STK32B: variants seen among roughly 807,000 people sequenced by gnomAD.
STK32B encodes the protein serine/threonine-protein kinase 32B.
In STK32B, 43 loss-of-function variants were observed where a neutral mutation model predicts 52.6. That is an observed-to-expected ratio of 0.82 (90% CI 0.64 to 1.05). The LOEUF (loss-of-function observed/expected upper bound fraction) is 1.05, where lower values mean the gene tolerates loss of function less well. Among genes scored for constraint, STK32B ranks in the 50% least tolerant of loss-of-function variants. The probability of loss-of-function intolerance (pLI) is 0.00; values close to 1 mark genes in which losing one functional copy is unlikely to be tolerated. For missense variants in STK32B, 621 were observed against 534.6 expected (o/e 1.16, Z -1.59); for synonymous variants, 238 against 204.3 (o/e 1.17, Z -1.41).
At chr4:5,478,390 G>T (rs868360229) in intron 11 of STK32B, among the ~76,000 whole-genome samples, 1 of 152,158 alleles carries the variant, frequency 6.6e-6, no homozygotes, top group South Asian at 2.1e-4. Flanking sequence ...AGCACCCAGG[G>T]TTTGGCTGAA....
chr4:5,334,961 G>A (rs1367776136), intron 4 of STK32B, among the ~76,000 whole-genome samples: 6 of 151,948 alleles, frequency 3.9e-5, no homozygotes, highest in East Asian at 1.9e-4. Context: ...GTCTCTGCCA[G>A]GCTTTGGTAT....
At chr4:5,256,654 C>T (rs1726321197) in intron 3 of STK32B, among the ~76,000 whole-genome samples, 1 of 152,214 alleles carries the variant, frequency 6.6e-6, no homozygotes, top group African/African-American at 2.4e-5. Flanking sequence ...GTCAGACATC[C>T]TGTCCCCTGC....
rs998031561 is a variant in STK32B at position 5,443,489 on chromosome 4, C to T, written c.563-3184C>T. Among the ~76,000 whole-genome samples the T allele has an allele frequency of 1.6e-4, 24 of 152,190 alleles. No individual in the cohort carries two copies. In the East Asian group the frequency reaches 3.5e-3, roughly 22 times the overall value. ...TAAGCACTCCTCTGTATTGGTTATT[C>T]TAGTTATACATTCTTCTACATTTTT... On this transcript the variant is annotated intron_variant, in intron 6 of 11. Coordinates refer to ENST00000282908, the MANE Select transcript of STK32B (RefSeq NM_018401.3).
chr4:5,427,457 G>A (rs943601663), intron 6 of STK32B, among the ~76,000 whole-genome samples: 1 of 152,160 alleles, frequency 6.6e-6, no homozygotes, highest in Admixed American at 6.5e-5. Context: ...ATATGCCCAA[G>A]ATTGGTATTA....
chr4:5,164,687 G>C (rs751638262), intron 2 of STK32B, among the ~76,000 whole-genome samples: 5 of 152,130 alleles, frequency 3.3e-5, no homozygotes, highest in Non-Finnish European at 7.4e-5. Flanking sequence ...CAGGATCTCC[G>C]ATGAGCAGAA....
At chr4:5,175,915 G>T (rs893007097) in intron 3 of STK32B, among the ~76,000 whole-genome samples, 4 of 152,252 alleles carry the variant, frequency 2.6e-5, no homozygotes, top group African/African-American at 7.2e-5. Context: ...GCCTACAGAG[G>T]CAGGCAGGCC....
chr4:5,057,828 T>C (rs2108755474), intron 1 of STK32B, among the ~76,000 whole-genome samples: 1 of 152,306 alleles, frequency 6.6e-6, no homozygotes, highest in Non-Finnish European at 1.5e-5. Flanking sequence ...AAGAAACTGT[T>C]CTACAAAGAA....
chr4:5,204,659 G>A (rs1292894198), intron 3 of STK32B, among the ~76,000 whole-genome samples: 1 of 151,956 alleles, frequency 6.6e-6, no homozygotes, highest in African/African-American at 2.4e-5. Context: ...TAGTAGAAAT[G>A]GGGTTTCACC....
At chr4:5,160,730 C>T (rs1718374986) in intron 2 of STK32B, among the ~76,000 whole-genome samples, 2 of 152,196 alleles carry the variant, frequency 1.3e-5, no homozygotes, top group Admixed American at 6.5e-5. Flanking sequence ...AGAGAAAAAT[C>T]CCTGTTGTCA....
chr4:5,113,048 G>A (rs147805438), intron 1 of STK32B, among the ~76,000 whole-genome samples: 7 of 152,250 alleles, frequency 4.6e-5, no homozygotes, highest in African/African-American at 1.4e-4. Context: ...TGTCAGCTGG[G>A]GTCCTGAGTG....
At chr4:5,102,490 T>TTCCCTCCCTCCC (rs1553824357) in intron 1 of STK32B, among the ~76,000 whole-genome samples, 2 of 79,946 alleles carry the variant, frequency 2.5e-5, no homozygotes, top group African/African-American at 4.8e-5. Flanking sequence ...CCTTCCTTCC[T>TTCCCTCCCTCCC]TCCCTCCCTC....
Position 5,317,243 on chromosome 4 carries a change from A to G in STK32B, c.261-13977A>G, listed in dbSNP as rs1300423111. Among the ~76,000 whole-genome samples, 7 of 47,416 alleles carry G rather than the reference A, an allele frequency of 1.5e-4. 2 individuals carry two copies. Among genetic ancestry groups the G allele is most frequent in the African/African-American group, 1.3e-3 (7 of 5,438 alleles). The allele number at this position is 47,416 out of a possible 152,430, so 31.1% of individuals were successfully genotyped here. A position where few individuals can be genotyped will look rare whatever the true frequency, so the allele number is the denominator to read the frequency against. ...TATATATTATATATAACATATATAT[A>G]TTATATATAACATATAACATATATA... On this transcript the variant is annotated intron_variant, in intron 3 of 11. Coordinates refer to ENST00000282908, the MANE Select transcript of STK32B (RefSeq NM_018401.3).
intron 6 of STK32B, among the ~76,000 whole-genome samples, chr4:5,418,630 T>G (rs879822159): frequency 1.3e-5 from 2 of 152,190 alleles, no homozygotes; most frequent in Admixed American, 1.3e-4. Flanking sequence ...AGGTACAACT[T>G]TTGCCGCAGA....
intron 3 of STK32B, among the ~76,000 whole-genome samples, chr4:5,317,414 TTA>T (rs1282949335): frequency 8.8e-5 from 2 of 22,744 alleles, no homozygotes; most frequent in Non-Finnish European, 1.5e-4. Flanking sequence ...TGTATATGTA[TTA>T]TATATAATAC....
chr4:5,482,000 G>T (rs533944257), intron 11 of STK32B, among the ~76,000 whole-genome samples: 125 of 152,328 alleles, frequency 8.2e-4, no homozygotes, highest in African/African-American at 2.8e-3. Flanking sequence ...TTGTAGTACA[G>T]TTTGAAGTCA....
chr4:5,350,747 A>G (rs1733772827), intron 4 of STK32B, among the ~76,000 whole-genome samples: 1 of 152,124 alleles, frequency 6.6e-6, no homozygotes, highest in South Asian at 2.1e-4. Flanking sequence ...CCAGAAATGT[A>G]TCTCATCTGT....
At chr4:5,476,337 A>T (rs1055262439) in intron 11 of STK32B, among the ~76,000 whole-genome samples, 1 of 152,188 alleles carries the variant, frequency 6.6e-6, no homozygotes. Context: ...CTGTTTCACT[A>T]TCCCCCTTCT....
At chr4:5,140,149 T>G (rs1716321535) in intron 2 of STK32B, 189 bp downstream of exon 2, 9 of 1,425,364 alleles carry the variant, frequency 6.3e-6, no homozygotes, top group Non-Finnish European at 7.7e-6. Flanking sequence ...GAAATTAAAT[T>G]ACCACAACAG....
At chr4:5,036,661 T>A in the STK32B span, among the ~76,000 whole-genome samples, 1 of 35,362 alleles carries the variant, frequency 2.8e-5, no homozygotes, top group Non-Finnish European at 6.1e-5. Flanking sequence ...AAGGGTGGAT[T>A]TTTTTTTTTT....
Sources: allele counts gnomAD v4.1 joint callset (sites outside exome capture counted in the v4.1 genomes callset), GRCh38; gene constraint gnomAD v4.1.1; transcripts MANE v1.5; gene names NCBI Gene and HGNC (gene_info 2026-07-23, HGNC 2026-07-21).